The following EBF2 variants were observed in gnomAD, a reference collection of about 807,000 sequenced individuals.
EBF2 encodes the protein transcription factor COE2.
EBF2 carries 21 observed loss-of-function variants against 72.8 expected under a neutral mutation model. That is an observed-to-expected ratio of 0.29 (90% CI 0.20 to 0.42). The LOEUF (loss-of-function observed/expected upper bound fraction) is 0.42. Among genes scored for constraint, EBF2 ranks in the 10% least tolerant of loss-of-function variants. The probability of loss-of-function intolerance (pLI) is 1.00; values close to 1 mark genes in which losing one functional copy is unlikely to be tolerated. For missense variants in EBF2, 637 were observed against 731.2 expected (o/e 0.87, Z 1.49); for synonymous variants, 299 against 274.2 (o/e 1.09, Z -0.89).
chr8:25,916,918 C>G (rs1419715955), intron 6 of EBF2, among the ~76,000 whole-genome samples: 1 of 152,138 alleles, frequency 6.6e-6, no homozygotes, highest in Non-Finnish European at 1.5e-5. Context: ...TGAGTAGAAT[C>G]TGCTGCATTC....
At chr8:25,983,380 T>G (rs959492144) in intron 6 of EBF2, among the ~76,000 whole-genome samples, 2 of 152,228 alleles carry the variant, frequency 1.3e-5, no homozygotes, top group Non-Finnish European at 2.9e-5. Flanking sequence ...GCAAAAGGGC[T>G]GAAAGTTACA....
At chr8:25,875,466 C>G (rs1802506877) in intron 10 of EBF2, among the ~76,000 whole-genome samples, 2 of 152,182 alleles carry the variant, frequency 1.3e-5, no homozygotes, top group African/African-American at 2.4e-5. Context: ...GCGCCAGGTT[C>G]TCTCAAGCTT....
chr8:25,967,865 T>C (rs1404879538), intron 6 of EBF2, among the ~76,000 whole-genome samples: 1 of 152,152 alleles, frequency 6.6e-6, no homozygotes, highest in African/African-American at 2.4e-5. Flanking sequence ...AGGGTAAGAA[T>C]AGAACCTGCC....
At chr8:25,998,527 T>C (rs191486883) in intron 6 of EBF2, among the ~76,000 whole-genome samples, 73 of 152,334 alleles carry the variant, frequency 4.8e-4, no homozygotes, top group African/African-American at 1.6e-3. Context: ...AATCTCCACA[T>C]GGTGATTCAG....
Position 25,994,024 on chromosome 8 carries a change from C to A in EBF2, c.551+39061G>T, listed in dbSNP as rs144387867. ...TGTCAGAAAACATAGGACCTATATA[C>A]CCTGCTTGACAAGATTATTAAAGAT... is the stretch of plus-strand genomic sequence containing the variant. On this transcript the variant is annotated intron_variant, in intron 6 of 15. Coordinates refer to ENST00000520164, the MANE Select transcript of EBF2 (RefSeq NM_022659.4). 5.7e-3 allele frequency among the ~76,000 whole-genome samples: 863 copies of A among 151,984 alleles called. 6 individuals carry two copies. The highest frequency in any genetic ancestry group is 0.02 in the African/African-American group (822 of 41,448).
At chr8:25,916,717 T>C (rs368335744) in intron 6 of EBF2, among the ~76,000 whole-genome samples, 21 of 152,072 alleles carry the variant, frequency 1.4e-4, no homozygotes, top group African/African-American at 4.6e-4. Flanking sequence ...ACACAAAAAA[T>C]GGTCGATGGG....
chr8:25,883,264 A>G (rs1802632051), intron 10 of EBF2, among the ~76,000 whole-genome samples: 1 of 152,080 alleles, frequency 6.6e-6, no homozygotes, highest in African/African-American at 2.4e-5. Flanking sequence ...GCAAATTCCT[A>G]TTTCGCTTCA....
chr8:25,962,718 A>G (rs969209693), intron 6 of EBF2, among the ~76,000 whole-genome samples: 5 of 152,196 alleles, frequency 3.3e-5, no homozygotes, highest in South Asian at 2.1e-4. Flanking sequence ...CAAAATCTAC[A>G]GGACCCAAGT....
At chr8:25,912,466 G>GCACA (rs141335310) in intron 6 of EBF2, among the ~76,000 whole-genome samples, 4,416 of 136,856 alleles carry the variant, frequency 0.032, 86 homozygotes, top group African/African-American at 0.046. Context: ...TCTAAAAATG[G>GCACA]CACACACACA....
intron 4 of EBF2, 129 bp downstream of exon 4, chr8:26,040,487 G>A: frequency 1.2e-6 from 1 of 807,532 alleles, no homozygotes; most frequent in Admixed American, 2.8e-5. Flanking sequence ...TGCTGGGAGG[G>A]GGACGTGGAG....
chr8:25,990,677 T>C (rs1414992400), intron 6 of EBF2, among the ~76,000 whole-genome samples: 1 of 152,218 alleles, frequency 6.6e-6, no homozygotes. Context: ...TTAACAACTC[T>C]GAGTTTACAA....
intron 6 of EBF2, among the ~76,000 whole-genome samples, chr8:26,009,075 G>A (rs1194711528): frequency 8.3e-6 from 1 of 120,976 alleles, no homozygotes; most frequent in Non-Finnish European, 1.6e-5. Context: ...ATTTCAAGTT[G>A]AGCCATTTTT....
intron 7 of EBF2, among the ~76,000 whole-genome samples, chr8:25,905,496 T>C (rs535540172): frequency 2.6e-5 from 4 of 151,712 alleles, no homozygotes; most frequent in African/African-American, 9.8e-5. Flanking sequence ...AATGGAATAG[T>C]CAAGCTGTAA....
chr8:25,884,163 C>T (rs1057495125), intron 10 of EBF2, among the ~76,000 whole-genome samples: 4 of 152,184 alleles, frequency 2.6e-5, no homozygotes, highest in Non-Finnish European at 5.9e-5. Context: ...CCACTGACTC[C>T]ACTCCAGCCA....
intron 6 of EBF2, among the ~76,000 whole-genome samples, chr8:25,948,129 G>C (rs562066774): frequency 9.2e-5 from 14 of 152,180 alleles, no homozygotes; most frequent in African/African-American, 3.4e-4. Flanking sequence ...CTGTACATTG[G>C]ACATAGGATC....
intron 6 of EBF2, among the ~76,000 whole-genome samples, chr8:25,971,106 AT>A (rs1804182892): frequency 1.3e-5 from 2 of 152,180 alleles, no homozygotes; most frequent in Admixed American, 6.5e-5. Flanking sequence ...AAGTGCTGGG[AT>A]TACAGGCATG....
intron 14 of EBF2, among the ~76,000 whole-genome samples, chr8:25,852,725 T>G (rs1802007175): frequency 6.6e-6 from 1 of 152,212 alleles, no homozygotes; most frequent in Non-Finnish European, 1.5e-5. Flanking sequence ...TTACAACAAT[T>G]TTGTAAAAAT....
intron 6 of EBF2, among the ~76,000 whole-genome samples, chr8:25,950,858 C>T (rs972783697): frequency 6.6e-6 from 1 of 151,616 alleles, no homozygotes; most frequent in Non-Finnish European, 1.5e-5. Flanking sequence ...ACAGTTTTAA[C>T]ACAAATTGAT....
At chr8:25,882,192 C>T (rs1802614722) in intron 10 of EBF2, among the ~76,000 whole-genome samples, 1 of 152,190 alleles carries the variant, frequency 6.6e-6, no homozygotes, top group African/African-American at 2.4e-5. Flanking sequence ...CTAGACACTG[C>T]TATGGGGTCA....
Sources: gnomAD v4.1 joint callset for allele counts (sites outside exome capture counted in the v4.1 genomes callset) on GRCh38, gnomAD v4.1.1 for gene constraint, MANE v1.5 for transcripts, NCBI Gene and HGNC (gene_info 2026-07-23, HGNC 2026-07-21) for gene names.